Variants in GLCE observed in about 807,000 individuals in gnomAD.
GLCE encodes the protein glucuronic acid epimerase.
A neutral mutation model predicts 47.9 loss-of-function variants in GLCE; 19 were observed. That is an observed-to-expected ratio of 0.40 (90% CI 0.28 to 0.58). The LOEUF (loss-of-function observed/expected upper bound fraction) is 0.58, where lower values mean the gene tolerates loss of function less well. GLCE is among the 20% of genes least tolerant of loss of function. The pLI is 0.48. For missense variants in GLCE, 556 were observed against 743.3 expected, an observed-to-expected ratio of 0.75 and a Z score of 2.93; for synonymous variants, 245 against 263.4, an observed-to-expected ratio of 0.93 and a Z score of 0.68.
chr15:69,251,557 G>A (rs1430245342), intron 2 of GLCE, among the ~76,000 whole-genome samples: 1 of 152,038 alleles, frequency 6.6e-6, no homozygotes, highest in Non-Finnish European at 1.5e-5. Flanking sequence ...TTATTAGATA[G>A]GCTTTTGCAC....
chr15:69,221,569 TA>T (rs35751008), intron 2 of GLCE, among the ~76,000 whole-genome samples: 1 of 151,570 alleles, frequency 6.6e-6, no homozygotes, highest in African/African-American at 2.4e-5. Flanking sequence ...ATTAACTAAT[TA>T]AAAAAAATTA....
intron 1 of GLCE, among the ~76,000 whole-genome samples, chr15:69,198,668 C>T (rs1039564227): frequency 6.6e-6 from 1 of 152,114 alleles, no homozygotes; most frequent in African/African-American, 2.4e-5. Flanking sequence ...AAGCACATCA[C>T]AATTTTTATA....
At position 69,270,278 on chromosome 15, in the gene GLCE, C is replaced by A. The variant is rs762172957; in HGVS notation, c.*1034C>A. The A allele has an allele frequency of 1.3e-5, 2 of 152,026 alleles. No homozygotes were observed. Among genetic ancestry groups the A allele is most frequent in the Admixed American group, 1.3e-4 (2 of 15,258 alleles). 9.4% of individuals were successfully genotyped at this position (152,026 alleles called of 1,614,324 possible). On this transcript the variant is annotated 3_prime_UTR_variant, in exon 5 of 5. Coordinates refer to ENST00000261858, the MANE Select transcript of GLCE (RefSeq NM_015554.3). ...TTTTCCTACCAAGATCATTCTTGAT[C>A]ATCAGCTTCCCAAACTAGTAAGTCT...
intron 2 of GLCE, among the ~76,000 whole-genome samples, chr15:69,230,008 G>A (rs1312936823): frequency 1.3e-5 from 2 of 152,040 alleles, no homozygotes; most frequent in African/African-American, 4.8e-5. Flanking sequence ...TCAGGAGGTT[G>A]AGACTAGCCT....
intron 2 of GLCE, among the ~76,000 whole-genome samples, chr15:69,218,728 CAT>C (rs995441250): frequency 2.6e-5 from 4 of 152,172 alleles, no homozygotes; most frequent in African/African-American, 9.7e-5. Flanking sequence ...TAATGCTAAT[CAT>C]ATGGCTAAAT....
chr15:69,175,467 C>G (rs997962799), intron 1 of GLCE, among the ~76,000 whole-genome samples: 3 of 152,078 alleles, frequency 2.0e-5, no homozygotes, highest in African/African-American at 7.2e-5. Flanking sequence ...GTACTTTTTA[C>G]TTTGTTACAT....
At position 69,269,496 on chromosome 15, in the gene GLCE, G is replaced by A. The variant is rs948985898; in HGVS notation, c.*252G>A. 1 of 508,156 alleles carries A rather than the reference G, an allele frequency of 2.0e-6. No individual in the cohort carries two copies. Among genetic ancestry groups the A allele is most frequent in the African/African-American group, 1.9e-5 (1 of 52,276 alleles). 31.5% of individuals were successfully genotyped at this position (508,156 alleles called of 1,614,324 possible). A position where few individuals can be genotyped will look rare whatever the true frequency, so the allele number is the denominator to read the frequency against. On this transcript the variant is annotated 3_prime_UTR_variant, in exon 5 of 5. Coordinates refer to ENST00000261858, the MANE Select transcript of GLCE (RefSeq NM_015554.3). The stretch of plus-strand genomic sequence containing the variant: ...GAACAAAGATGCTTCACTTTGCCTT[G>A]CCCATCACCCTATACAGTTTCGCAG...
intron 2 of GLCE, among the ~76,000 whole-genome samples, chr15:69,226,535 T>A (rs1326855612): frequency 6.6e-6 from 1 of 152,152 alleles, no homozygotes; most frequent in Non-Finnish European, 1.5e-5. Context: ...AGCATAGGAA[T>A]AATGGAGTCT....
chr15:69,256,401 C>T lies in GLCE; in HGVS notation c.586+9C>T. 1 of 1,556,540 alleles carries T rather than the reference C, an allele frequency of 6.4e-7. No individual in the cohort carries two copies. Among genetic ancestry groups the T allele is most frequent in the Non-Finnish European group, 8.8e-7 (1 of 1,134,822 alleles). ...CATAAGTGGGGTTGAAGGTTGGTAT[C>T]TGTCTGCTTCACTTGCATTTTTCAA... On this transcript the variant is annotated intron_variant, in intron 3 of 4. Transcript: ENST00000261858.
chr15:69,177,231 T>C (rs2051681321), intron 1 of GLCE, among the ~76,000 whole-genome samples: 1 of 146,370 alleles, frequency 6.8e-6, no homozygotes, highest in African/African-American at 2.7e-5. Flanking sequence ...GCCCAGCTAA[T>C]TTTTGTATTT....
At chr15:69,230,487 G>T (rs2052507829) in intron 2 of GLCE, among the ~76,000 whole-genome samples, 1 of 152,098 alleles carries the variant, frequency 6.6e-6, no homozygotes, top group Admixed American at 6.6e-5. Flanking sequence ...TATAGTTGGG[G>T]TCTGCAACAT....
intron 2 of GLCE, among the ~76,000 whole-genome samples, chr15:69,226,633 A>C (rs952847444): frequency 3.3e-5 from 5 of 152,048 alleles, no homozygotes; most frequent in Admixed American, 6.6e-5. Context: ...GATTGCATAG[A>C]AAGTATAAGA....
chr15:69,241,072 G>A (rs1402676575), intron 2 of GLCE, among the ~76,000 whole-genome samples: 1 of 151,968 alleles, frequency 6.6e-6, no homozygotes, highest in South Asian at 2.1e-4. Context: ...CATCGTCGTC[G>A]TCATCATCAT....
chr15:69,218,567 G>A (rs2052338208), intron 2 of GLCE, among the ~76,000 whole-genome samples: 1 of 152,136 alleles, frequency 6.6e-6, no homozygotes, highest in African/African-American at 2.4e-5. Context: ...AAGCCTGTGG[G>A]AGGGAAACTA....
At chr15:69,251,883 A>G (rs2052849795) in intron 2 of GLCE, among the ~76,000 whole-genome samples, 1 of 152,236 alleles carries the variant, frequency 6.6e-6, no homozygotes, top group Admixed American at 6.5e-5. Context: ...AAAAGTATAT[A>G]GTGAGTGGTA....
At position 69,234,329 on chromosome 15, in the gene GLCE, C is replaced by T. The variant is rs866113386; in HGVS notation, c.-13-21465C>T. 2.2e-4 allele frequency among the ~76,000 whole-genome samples: 33 copies of T among 151,890 alleles called. 1 individual carries two copies. The highest frequency in any genetic ancestry group is 6.8e-3 in the Middle Eastern group (2 of 294). On this transcript the variant is annotated intron_variant, in intron 2 of 4. Transcript: ENST00000261858. Reference sequence around the variant, plus strand: ...TTGACCTTATTTTTTCTGGGGCCACCGTTCACACAGCTGAGGTGGGGATGC... The same window carrying T: ...TTGACCTTATTTTTTCTGGGGCCACTGTTCACACAGCTGAGGTGGGGATGC...
chr15:69,186,545 A>G (rs947392268), intron 1 of GLCE, among the ~76,000 whole-genome samples: 12 of 152,228 alleles, frequency 7.9e-5, no homozygotes, highest in Non-Finnish European at 1.6e-4. Context: ...AAAGAGAGGA[A>G]CCTGAATAAC....
intron 2 of GLCE, among the ~76,000 whole-genome samples, chr15:69,235,090 A>ATTTT (rs2052577156): frequency 1.5e-4 from 12 of 82,476 alleles, no homozygotes; most frequent in African/African-American, 6.8e-4. Flanking sequence ...GATGAAGATT[A>ATTTT]TTCTTTTTTT....
Position 69,195,668 on chromosome 15 carries a change from G to A in GLCE, c.-104-14648G>A, listed in dbSNP as rs187475344. Among the ~76,000 whole-genome samples, 7 of 152,236 alleles carry A rather than the reference G, an allele frequency of 4.6e-5. No individual in the cohort carries two copies. In the East Asian group the frequency reaches 1.3e-3, roughly 29 times the overall value. ...CTGATTGGTATGTTTTCAGGGGAAT[G>A]CAAACTAATTTAATATAGCCCTGGT... is the stretch of plus-strand genomic sequence containing the variant. On this transcript the variant is annotated intron_variant, in intron 1 of 4. Coordinates refer to ENST00000261858, the MANE Select transcript of GLCE (RefSeq NM_015554.3).
Sources: allele counts gnomAD v4.1 joint callset (sites outside exome capture counted in the v4.1 genomes callset), GRCh38; gene constraint gnomAD v4.1.1; transcripts MANE v1.5; gene names NCBI Gene and HGNC (gene_info 2026-07-23, HGNC 2026-07-21).